Variants in RUFY1 observed in about 807,000 individuals in gnomAD.
The protein encoded by RUFY1 is RUN and FYVE domain containing 1.
A neutral mutation model predicts 94.6 loss-of-function variants in RUFY1; 54 were observed. That is an observed-to-expected ratio of 0.57 (90% CI 0.46 to 0.72). RUFY1 has a LOEUF of 0.72. Among genes scored for constraint, RUFY1 ranks in the 30% least tolerant of loss-of-function variants. The pLI is 0.00. For synonymous variants in RUFY1, 396 were observed against 347.3 expected, an observed-to-expected ratio of 1.14 and a Z score of -1.56; for missense variants, 883 against 883.9, an observed-to-expected ratio of 1.00 and a Z score of 0.01.
intron 2 of RUFY1, 120 bp from the exon 3 acceptor site, chr5:179,562,427 A>G: frequency 2.9e-6 from 2 of 694,730 alleles, no homozygotes; most frequent in Non-Finnish European, 2.6e-6. Context: ...TTAAAAAAGG[A>G]TTAAGCAGTG....
intron 17 of RUFY1, among the ~76,000 whole-genome samples, chr5:179,607,949 C>T (rs1767283713): frequency 1.3e-5 from 2 of 152,230 alleles, no homozygotes; most frequent in South Asian, 4.1e-4. Context: ...TGCAGAGCTG[C>T]TCTAGGGGAG....
chr5:179,576,672 C>T (rs760928046), intron 5 of RUFY1, among the ~76,000 whole-genome samples: 5 of 152,086 alleles, frequency 3.3e-5, no homozygotes, highest in African/African-American at 1.2e-4. Context: ...CCACCAGCCT[C>T]GGCCTCCCAA....
intron 1 of RUFY1, among the ~76,000 whole-genome samples, chr5:179,559,050 A>G (rs906180683): frequency 6.6e-6 from 1 of 152,206 alleles, no homozygotes; most frequent in African/African-American, 2.4e-5. Context: ...ACCAAAAACA[A>G]TACGATCCCC....
intron 2 of RUFY1, 98 bp from the exon 3 acceptor site, chr5:179,562,449 C>A: frequency 2.7e-6 from 2 of 728,594 alleles, no homozygotes; most frequent in Non-Finnish European, 2.5e-6. Flanking sequence ...AGTTTAGCAG[C>A]TTTCACTTCC....
In RUFY1 at chr5:179,580,972, G is replaced by C; in HGVS notation, c.916G>C (p.Asp306His). 1 of 1,606,960 alleles carries C rather than the reference G, an allele frequency of 6.2e-7. No individual in the cohort carries two copies. Among genetic ancestry groups the C allele is most frequent in the Non-Finnish European group, 8.5e-7 (1 of 1,176,878 alleles). Residue 306 changes from aspartate (D) to histidine (H), a missense_variant, in exon 7 of 18, where the codon GAT becomes CAT. Coordinates refer to ENST00000319449, the MANE Select transcript of RUFY1 (RefSeq NM_025158.5). ...KEHERITDVL[D>H]QKNYVEELNR... is the part of the protein sequence containing the mutation. ...GCATGAAAGAATTACTGATGTCCTT[G>C]ATCAAAAAAATTATGTGGAAGAACT...
intron 3 of RUFY1, among the ~76,000 whole-genome samples, chr5:179,564,427 T>G (rs990625589): frequency 1.3e-4 from 20 of 150,884 alleles, no homozygotes; most frequent in Non-Finnish European, 2.1e-4. Context: ...GCTGTTTTTT[T>G]TTTTTTTTTT....
intron 11 of RUFY1, among the ~76,000 whole-genome samples, chr5:179,594,452 C>G (rs1391130361): frequency 1.3e-5 from 2 of 149,442 alleles, no homozygotes; most frequent in African/African-American, 2.5e-5. Flanking sequence ...CAGAACCAAT[C>G]ATGCCAGATT....
Position 179,560,142 on chromosome 5 carries a change from C to T in RUFY1, c.428C>T (p.Ala143Val), listed in dbSNP as rs765445647. 2 of 1,613,986 alleles carry T rather than the reference C, an allele frequency of 1.2e-6. No homozygotes were observed. Among genetic ancestry groups the T allele is most frequent in the Non-Finnish European group, 1.7e-6 (2 of 1,179,970 alleles). Reference protein sequence around the residue: ...SLGRSLDADHAPLQQFFVVME... With the variant: ...SLGRSLDADHVPLQQFFVVME... ...GGCCGCAGCCTGGATGCGGACCATG[C>T]CCCCTTGCAGCAGTTCTTTGTAGTG... Residue 143 changes from alanine to valine, a missense_variant, in exon 2 of 18, where the codon GCC (alanine) becomes GTC (valine). By Grantham distance (64) the Ala-to-Val change is moderately conservative (BLOSUM62 0). Transcript: ENST00000319449.
chr5:179,590,364 AG>A (rs1475092390), intron 9 of RUFY1, among the ~76,000 whole-genome samples: 1 of 137,018 alleles, frequency 7.3e-6, no homozygotes, highest in Non-Finnish European at 1.7e-5. Context: ...AAAAAAAAAA[AG>A]AGAGACCATA....
chr5:179,565,164 C>CTTTTTTTT (rs138223106), intron 3 of RUFY1, among the ~76,000 whole-genome samples: 1 of 71,926 alleles, frequency 1.4e-5, no homozygotes, highest in African/African-American at 5.7e-5. Flanking sequence ...TCTAGGTTTT[C>CTTTTTTTT]TTTTTTTTTT....
At chr5:179,555,044 G>T (rs923842030) in intron 1 of RUFY1, among the ~76,000 whole-genome samples, 3 of 151,830 alleles carry the variant, frequency 2.0e-5, no homozygotes, top group African/African-American at 4.8e-5. Flanking sequence ...GAGAGTTTCC[G>T]CACATAGCAC....
At chr5:179,576,955 G>A in intron 5 of RUFY1, 120 bp from the exon 6 acceptor site, 1 of 718,122 alleles carries the variant, frequency 1.4e-6, no homozygotes, top group Non-Finnish European at 2.4e-6. Context: ...CATAGAGCTG[G>A]CTGACCTAAA....
chr5:179,606,865 A>T (rs1767140393), intron 16 of RUFY1: 1 of 152,500 alleles, frequency 6.6e-6, no homozygotes, highest in Non-Finnish European at 1.5e-5. Flanking sequence ...CTTGTCCAGC[A>T]GATGTTAACA....
chr5:179,603,734 C>G (rs559417855), intron 15 of RUFY1: 1 of 152,280 alleles, frequency 6.6e-6, no homozygotes, highest in South Asian at 2.1e-4. Flanking sequence ...CCATAGACCT[C>G]GAAACTGTGG....
intron 12 of RUFY1, among the ~76,000 whole-genome samples, chr5:179,595,285 C>T (rs1401262051): frequency 6.6e-6 from 1 of 152,084 alleles, no homozygotes; most frequent in East Asian, 1.9e-4. Flanking sequence ...CGAGACCATC[C>T]CGGCTAAAAC....
Position 179,596,560 on chromosome 5 carries a change from A to G in RUFY1, c.1512-2A>G. ...TTGCACTCTTGCTGGTGTCGCATCC[A>G]GGTTGCAGCACTCGGAGCGGGCGAG... is the stretch of plus-strand genomic sequence containing the variant. On this transcript the variant is annotated splice_acceptor_variant, in intron 12 of 17. Transcript: ENST00000319449. LOFTEE classifies it high-confidence loss of function. The G allele has an allele frequency of 1.2e-6, 2 of 1,613,708 alleles. No homozygotes were observed. The highest frequency in any genetic ancestry group is 1.7e-6 in the Non-Finnish European group (2 of 1,179,972).
intron 16 of RUFY1, 30 bp from the exon 17 acceptor site, chr5:179,607,552 G>C (rs770393328): frequency 1.8e-5 from 29 of 1,606,206 alleles, no homozygotes; most frequent in Non-Finnish European, 2.4e-5. Flanking sequence ...TAGACAGAAA[G>C]TGGATTCTAG....
chr5:179,607,599 A>G lies in RUFY1; in HGVS notation c.1923A>G (p.Lys641=). The G allele has an allele frequency of 6.2e-7, 1 of 1,614,242 alleles. No individual in the cohort carries two copies. The highest frequency in any genetic ancestry group is 8.5e-7 in the Non-Finnish European group (1 of 1,180,034). ...CTCTTCAGGGCCACGCCTGGCTGAAAGATGACGAAGCGACACACTGTAGGC... is the reference window on the plus strand; with the variant it reads ...CTCTTCAGGGCCACGCCTGGCTGAAGGATGACGAAGCGACACACTGTAGGC... The part of the protein sequence containing the change: ...NQALKGHAWL[K]DDEATHCRQC... Residue 641 remains lysine (K), a synonymous_variant, in exon 17 of 18, where the codon AAA becomes AAG. Coordinates refer to ENST00000319449, the MANE Select transcript of RUFY1 (RefSeq NM_025158.5).
chr5:179,580,245 A>ATATATATATATAT (rs59300402), intron 6 of RUFY1, among the ~76,000 whole-genome samples: 25 of 81,686 alleles, frequency 3.1e-4, no homozygotes, highest in East Asian at 5.6e-4. Flanking sequence ...GTGTGTGTAT[A>ATATATATATATAT]TTTTTTTTTT....
Sources: allele counts gnomAD v4.1 joint callset (sites outside exome capture counted in the v4.1 genomes callset), GRCh38; gene constraint gnomAD v4.1.1; transcripts MANE v1.5; gene names NCBI Gene and HGNC (gene_info 2026-07-23, HGNC 2026-07-21).